Variants in AGBL1 observed in about 807,000 individuals in gnomAD.
AGBL1 encodes the protein AGBL carboxypeptidase 1.
AGBL1 carries 130 observed loss-of-function variants against 118.9 expected under a neutral mutation model. That is an observed-to-expected ratio of 1.09 (90% confidence interval 0.95 to 1.26). The LOEUF (loss-of-function observed/expected upper bound fraction) is 1.26, where lower values mean the gene tolerates loss of function less well. AGBL1 is among the 50% of genes most tolerant of loss of function. The probability of loss-of-function intolerance (pLI) is 0.00; values close to 1 mark genes in which losing one functional copy is unlikely to be tolerated. For synonymous variants in AGBL1, 555 were observed against 478.9 expected, an observed-to-expected ratio of 1.16 and a Z score of -2.08; for missense variants, 1,584 against 1,298.1, an observed-to-expected ratio of 1.22 and a Z score of -3.38.
chr15:86,240,117 G>A (rs2078618868), intron 6 of AGBL1, among the ~76,000 whole-genome samples: 1 of 152,198 alleles, frequency 6.6e-6, no homozygotes, highest in South Asian at 2.1e-4. Flanking sequence ...ACTTAAATAA[G>A]TTGTTTAACT....
At chr15:86,256,268 G>T (rs2078893756) in intron 7 of AGBL1, among the ~76,000 whole-genome samples, 1 of 152,124 alleles carries the variant, frequency 6.6e-6, no homozygotes, top group Admixed American at 6.6e-5. Context: ...TCTCTGATTT[G>T]GGAAGGTACC....
intron 22 of AGBL1, among the ~76,000 whole-genome samples, chr15:86,679,565 T>C (rs1034962079): frequency 6.6e-6 from 1 of 152,102 alleles, no homozygotes; most frequent in African/African-American, 2.4e-5. Flanking sequence ...TATCTTATGA[T>C]CTGGGCTAGA....
At chr15:86,731,006 T>A (rs2077520101) in intron 22 of AGBL1, among the ~76,000 whole-genome samples, 3 of 152,124 alleles carry the variant, frequency 2.0e-5, no homozygotes, top group South Asian at 4.2e-4. Flanking sequence ...TTTTTTTATA[T>A]TTTTAATAGA....
chr15:86,591,814 T>G (rs1275377991), intron 21 of AGBL1, among the ~76,000 whole-genome samples: 1 of 152,084 alleles, frequency 6.6e-6, no homozygotes, highest in Non-Finnish European at 1.5e-5. Context: ...CTCCTCTCCC[T>G]AAAAGTTAGG....
chr15:86,679,353 AATG>A (rs1234986745), intron 22 of AGBL1, among the ~76,000 whole-genome samples: 1 of 152,056 alleles, frequency 6.6e-6, no homozygotes, highest in East Asian at 1.9e-4. Flanking sequence ...TCATCTAAAA[AATG>A]TGTATTTTTC....
At chr15:87,010,948 TCAAA>T (rs1460251718) in intron 24 of AGBL1, among the ~76,000 whole-genome samples, 2 of 152,160 alleles carry the variant, frequency 1.3e-5, no homozygotes, top group East Asian at 1.9e-4. Flanking sequence ...GATGAAAAGA[TCAAA>T]CAGAGACAAA....
At chr15:86,567,961 C>G (rs1339538584) in intron 21 of AGBL1, among the ~76,000 whole-genome samples, 1 of 152,052 alleles carries the variant, frequency 6.6e-6, no homozygotes, top group Non-Finnish European at 1.5e-5. Flanking sequence ...GGTTTTGAGA[C>G]AAGTTTTTGT....
At chr15:86,649,334 G>A (rs755895352) in intron 21 of AGBL1, among the ~76,000 whole-genome samples, 2 of 152,144 alleles carry the variant, frequency 1.3e-5, no homozygotes, top group South Asian at 2.1e-4. Flanking sequence ...TGAGAATGAA[G>A]ATGGGGAAGA....
At chr15:86,934,290 T>C (rs975310183) in intron 23 of AGBL1, among the ~76,000 whole-genome samples, 3 of 152,194 alleles carry the variant, frequency 2.0e-5, no homozygotes, top group Non-Finnish European at 4.4e-5. Context: ...ATTTATTCCT[T>C]ATTTTATCTC....
intron 5 of AGBL1, among the ~76,000 whole-genome samples, chr15:86,168,554 A>G (rs2077373106): frequency 6.6e-6 from 1 of 152,234 alleles, no homozygotes; most frequent in African/African-American, 2.4e-5. Context: ...TGGAAATATT[A>G]TAACCTGAAA....
intron 17 of AGBL1, among the ~76,000 whole-genome samples, chr15:86,308,144 T>G (rs2079868592): frequency 6.6e-6 from 1 of 152,198 alleles, no homozygotes. Context: ...TGTTAACATG[T>G]TTGAGTTGGC....
chr15:86,165,374 C>T (rs955435103), intron 5 of AGBL1, among the ~76,000 whole-genome samples: 2 of 152,124 alleles, frequency 1.3e-5, no homozygotes, highest in African/African-American at 2.4e-5. Context: ...TCTCTTCTCC[C>T]TGCCCCCAAA....
chr15:86,154,465 G>A lies in AGBL1; in HGVS notation c.298G>A (p.Ala100Thr), dbSNP rs763367858. 7 of 1,612,864 alleles carry A rather than the reference G, an allele frequency of 4.3e-6. No homozygotes were observed. The highest frequency in any genetic ancestry group is 1.7e-5 in the Admixed American group (1 of 59,842). Reference protein sequence around the residue: ...KIGRKALELEALDVTLILARK... With the variant: ...KIGRKALELETLDVTLILARK... ...TGGACGGAAGGCCCTAGAATTGGAA[G>A]CACTTGATGTGACATTGATTCTGGC... Residue 100 changes from alanine to threonine, a missense_variant, in exon 4 of 23, where the codon GCA (alanine) becomes ACA (threonine). By Grantham distance (58) the Ala-to-Thr change is moderately conservative. Coordinates refer to ENST00000614907, the MANE Select transcript of AGBL1 (RefSeq NM_001386094.1).
intron 22 of AGBL1, among the ~76,000 whole-genome samples, chr15:86,878,469 C>T (rs1175057380): frequency 3.9e-5 from 6 of 152,126 alleles, no homozygotes; most frequent in Non-Finnish European, 8.8e-5. Flanking sequence ...CAAGGCCATC[C>T]CTCCTATCCA....
At chr15:86,922,934 GA>G (rs1335697178) in intron 23 of AGBL1, among the ~76,000 whole-genome samples, 5 of 152,168 alleles carry the variant, frequency 3.3e-5, no homozygotes, top group African/African-American at 1.2e-4. Flanking sequence ...AGCTGTGGTA[GA>G]AGGGCATGAT....
At chr15:86,989,060 G>A (rs1339511258) in intron 24 of AGBL1, among the ~76,000 whole-genome samples, 1 of 146,744 alleles carries the variant, frequency 6.8e-6, no homozygotes, top group East Asian at 2.0e-4. Flanking sequence ...GGAGTGCAAT[G>A]GTGTGATCAT....
At chr15:86,279,218 T>G (rs1195321997) in intron 15 of AGBL1, among the ~76,000 whole-genome samples, 1 of 152,210 alleles carries the variant, frequency 6.6e-6, no homozygotes, top group East Asian at 1.9e-4. Context: ...AGGAAGGAGT[T>G]GAATCCTATG....
intron 17 of AGBL1, chr15:86,311,983 G>C (rs1433628833): frequency 6.6e-6 from 1 of 152,196 alleles, no homozygotes; most frequent in East Asian, 1.9e-4. Context: ...AATCAGGATA[G>C]AGTGATGTAG....
At chr15:86,131,506 C>T (rs1048839435) in intron 1 of AGBL1, among the ~76,000 whole-genome samples, 4 of 151,994 alleles carry the variant, frequency 2.6e-5, no homozygotes, top group African/African-American at 9.7e-5. Flanking sequence ...TTTATGTTTG[C>T]TTTTGAGTAA....
Sources: allele counts gnomAD v4.1 joint callset (sites outside exome capture counted in the v4.1 genomes callset), GRCh38; gene constraint gnomAD v4.1.1; transcripts MANE v1.5; gene names NCBI Gene and HGNC (gene_info 2026-07-23, HGNC 2026-07-21).